The following JUP variants were observed in gnomAD, a reference collection of about 807,000 sequenced individuals.
JUP encodes catenin (cadherin-associated protein), gamma 80kDa.
A neutral mutation model predicts 71.1 loss-of-function variants in JUP; 28 were observed. That is an observed-to-expected ratio of 0.39 (90% CI 0.29 to 0.54). The LOEUF is 0.54. JUP is among the 20% of genes least tolerant of loss of function. The pLI is 0.62. For missense variants in JUP, 869 were observed against 1,030.1 expected, an observed-to-expected ratio of 0.84 and a Z score of 2.14; for synonymous variants, 401 against 438.9, an observed-to-expected ratio of 0.91 and a Z score of 1.08.
intron 1 of JUP, among the ~76,000 whole-genome samples, chr17:41,773,752 CTCGTGCTGTG>C (rs1917035561): frequency 6.6e-6 from 1 of 152,162 alleles, no homozygotes; most frequent in Non-Finnish European, 1.5e-5. Context: ...TCCTGAGCTC[CTCGTGCTGTG>C]CCGCCTTCCC....
At chr17:41,773,687 G>C (rs952127408) in intron 1 of JUP, among the ~76,000 whole-genome samples, 2 of 152,138 alleles carry the variant, frequency 1.3e-5, no homozygotes, top group Admixed American at 1.3e-4. Flanking sequence ...GGCAATGGTG[G>C]GGGGCGGGGG....
intron 1 of JUP, among the ~76,000 whole-genome samples, chr17:41,777,205 G>A (rs1430270110): frequency 3.3e-5 from 5 of 152,052 alleles, no homozygotes; most frequent in South Asian, 2.1e-4. Flanking sequence ...GTGGAACTTC[G>A]CTCACGCCAG....
chr17:41,776,562 A>G (rs1324062277), intron 1 of JUP, among the ~76,000 whole-genome samples: 1 of 152,180 alleles, frequency 6.6e-6, no homozygotes, highest in East Asian at 1.9e-4. Context: ...CAAAAAATAA[A>G]AAGAAATTAG....
rs782498980 is a variant in JUP at position 41,769,029 on chromosome 17, C to T, written c.647G>A (p.Arg216Gln). ...CTTGAAGATGGCGAGCAGCCCCTCC[C>T]GGTGGTGGGAGAGGTTGTGCAGGAT... ...TSILHNLSHH[R>Q]EGLLAIFKSG... is the part of the protein sequence containing the mutation. The change falls in exon 4 of 14, where the codon CGG becomes CAG. Residue 216 changes from arginine to glutamine, a missense_variant. Arg to Gln is a conservative substitution (Grantham distance 43). Coordinates refer to ENST00000393931, the MANE Select transcript of JUP (RefSeq NM_002230.4). 1.1e-5 allele frequency: 17 copies of T among 1,611,760 alleles called. No homozygotes were observed. The highest frequency in any genetic ancestry group is 1.7e-5 in the Admixed American group (1 of 59,684).
rs201781343 is a variant in JUP, at chr17:41,762,230, CT to C, written c.1497+752del. 5.7e-3 allele frequency among the ~76,000 whole-genome samples: 649 copies of C among 113,952 alleles called. 11 individuals are homozygous for C. The highest frequency in any genetic ancestry group is 0.051 in the East Asian group (197 of 3,868). The allele number at this position is 113,952 out of a possible 152,430, so 74.8% of individuals were successfully genotyped here. On this transcript the variant is annotated intron_variant, in intron 8 of 13. Coordinates refer to ENST00000393931, the MANE Select transcript of JUP (RefSeq NM_002230.4). The stretch of plus-strand genomic sequence containing the variant: ...GTTTTAGATTGTTTATTTGTTTGGG[CT>C]TTTTTTTTTTTCCAAATTTTTTGTA...
rs1231229022 is a variant in JUP at position 41,757,914 on chromosome 17, G to A, written c.1774-130C>T. 8 of 749,192 alleles carry A rather than the reference G, an allele frequency of 1.1e-5. No individual in the cohort carries two copies. In the African/African-American group the frequency reaches 1.4e-4, roughly 13 times the overall value. 46.4% of individuals were successfully genotyped at this position (749,192 alleles called of 1,614,324 possible). ...TAGTGGAAAATGGGCCGTCACTGGG[G>A]AGTAAGTGTTACTGCTTTAAACTGG... On this transcript the variant is annotated intron_variant, in intron 10 of 13. Transcript: ENST00000393931.
intron 1 of JUP, chr17:41,775,980 C>T (rs1287144382): frequency 1.0e-6 from 1 of 985,410 alleles, no homozygotes. Flanking sequence ...ACCAGAGCTA[C>T]ACCAGGCTCC....
At position 41,769,451 on chromosome 17, in the gene JUP, G is replaced by C. The variant is rs781786854; in HGVS notation, c.435C>G (p.Pro145=). 6.2e-7 allele frequency: 1 copy of C among 1,612,926 alleles called. No homozygotes were observed. The highest frequency in any genetic ancestry group is 8.5e-7 in the Non-Finnish European group (1 of 1,179,670). Residue 145 remains proline, a synonymous_variant, in exon 3 of 14, where the codon CCC becomes CCG. Transcript: ENST00000393931. ...CGTCGTTGAGCAGTTTGGTGAGCTC[G>C]GGCAGGGCGCGAGTGGCCAGCTCGG... ...DDAELATRAL[P]ELTKLLNDED...
intron 1 of JUP, among the ~76,000 whole-genome samples, 160 bp from the exon 2 acceptor site, chr17:41,772,022 C>T (rs1916738192): frequency 6.6e-6 from 1 of 152,276 alleles, no homozygotes; most frequent in East Asian, 1.9e-4. Context: ...CCCAGAAGGG[C>T]ACCAGGCCCA....
chr17:41,757,830 G>A, intron 10 of JUP, 46 bp from the exon 11 acceptor site: 1 of 1,542,450 alleles, frequency 6.5e-7, no homozygotes, highest in Non-Finnish European at 8.8e-7. Context: ...GGAAAGGGGT[G>A]AGGCAGGCCG....
At chr17:41,766,419 T>A (rs1009683916) in intron 5 of JUP, among the ~76,000 whole-genome samples, 13 of 151,688 alleles carry the variant, frequency 8.6e-5, no homozygotes, top group Admixed American at 2.6e-4. Flanking sequence ...CAAAAAAAAA[T>A]TTTTTTTAAA....
At chr17:41,769,376 C>A in intron 3 of JUP, 42 bp downstream of exon 3, 1 of 1,589,190 alleles carries the variant, frequency 6.3e-7, no homozygotes, top group Admixed American at 1.8e-5. Context: ...TGCTCTCTCC[C>A]CTCCCTGCCC....
Position 41,755,248 on chromosome 17 carries a change from C to G in JUP, c.*496G>C. 1 of 398,914 alleles carries G rather than the reference C, an allele frequency of 2.5e-6. No individual in the cohort carries two copies. Among genetic ancestry groups the G allele is most frequent in the Non-Finnish European group, 4.4e-6 (1 of 226,506 alleles). 24.7% of individuals were successfully genotyped at this position (398,914 alleles called of 1,614,324 possible). On this transcript the variant is annotated 3_prime_UTR_variant, in exon 14 of 14. Transcript: ENST00000393931. ...GGCCACAGGGGCGGGGAGGGGGTGT[C>G]AGGCCCTGGACCCATGCCCAGGACA...
In JUP at chr17:41,754,957, T is replaced by C. The variant is rs551870163; in HGVS notation, c.*787A>G. 1.1e-3 allele frequency: 230 copies of C among 203,042 alleles called. 2 individuals carry two copies. Among genetic ancestry groups the C allele is most frequent in the East Asian group, 1.1e-4 (1 of 9,466 alleles). The allele number at this position is 203,042 out of a possible 1,614,324, so 12.6% of individuals were successfully genotyped here. A position where few individuals can be genotyped will look rare whatever the true frequency, so the allele number is the denominator to read the frequency against. On this transcript the variant is annotated 3_prime_UTR_variant, in exon 14 of 14. Coordinates refer to ENST00000393931, the MANE Select transcript of JUP (RefSeq NM_002230.4). ...CTTCTGGAGCAGGTGACTCACTCCA[T>C]ATCTCCTCCCCATCTCCCCTGGACG...
intron 8 of JUP, among the ~76,000 whole-genome samples, chr17:41,759,729 G>T (rs781970258): frequency 3.9e-5 from 6 of 152,066 alleles, no homozygotes; most frequent in African/African-American, 1.4e-4. Flanking sequence ...AAAACAAGAC[G>T]CCAGGAGGAC....
intron 1 of JUP, among the ~76,000 whole-genome samples, chr17:41,783,303 T>G (rs111851396): frequency 0.017 from 2,531 of 150,742 alleles, 44 homozygotes; most frequent in Non-Finnish European, 0.021. Context: ...TGTTTTTTTT[T>G]TTTTTTTGAG....
chr17:41,764,621 G>C (rs1555603105), intron 7 of JUP, 92 bp downstream of exon 7: 1 of 938,946 alleles, frequency 1.1e-6, no homozygotes, highest in African/African-American at 1.6e-5. Context: ...AGAGCCCCCA[G>C]TCCTCCCACA....
intron 7 of JUP, among the ~76,000 whole-genome samples, 179 bp downstream of exon 7, chr17:41,764,534 G>GGAAAAAAAAAAAAAAAAA (rs60346985): frequency 1.2e-5 from 1 of 83,912 alleles, no homozygotes. Flanking sequence ...GACTCCGTCA[G>GGAAAAAAAAAAAAAAAAA]AAAAAAAAAA....
chr17:41,768,263 G>A (rs1256799222), intron 4 of JUP, among the ~76,000 whole-genome samples: 8 of 152,166 alleles, frequency 5.3e-5, no homozygotes, highest in African/African-American at 1.2e-4. Context: ...GCCAGGCATG[G>A]TCGTGGGTGC....
Sources: gnomAD v4.1 joint callset for allele counts (sites outside exome capture counted in the v4.1 genomes callset) on GRCh38, gnomAD v4.1.1 for gene constraint, MANE v1.5 for transcripts, NCBI Gene and HGNC (gene_info 2026-07-23, HGNC 2026-07-21) for gene names.